The following RNF212B variants were observed in gnomAD, a reference collection of about 807,000 sequenced individuals.
The protein encoded by RNF212B is E3 ubiquitin-protein ligase RNF212B.
A neutral mutation model predicts 55.5 loss-of-function variants in RNF212B; 52 were observed. The ratio of observed to expected loss-of-function variants is 0.94; its 90% CI spans 0.75 to 1.18. The LOEUF (loss-of-function observed/expected upper bound fraction) is 1.18. Ranked by LOEUF, RNF212B falls within the 50% of genes most tolerant of loss-of-function variation. RNF212B has a pLI of 0.00. For synonymous variants in RNF212B, 99 were observed against 121.4 expected (o/e 0.82, Z 1.21); for missense variants, 289 against 350.4 (o/e 0.82, Z 1.40).
At chr14:23,209,047 C>T (rs932672612) in intron 2 of RNF212B, among the ~76,000 whole-genome samples, 13 of 152,166 alleles carry the variant, frequency 8.5e-5, no homozygotes, top group East Asian at 1.9e-4. Flanking sequence ...CGTGAGCCAC[C>T]GTGCCCGGCC....
intron 1 of RNF212B, chr14:23,188,244 C>T (rs1020769782): frequency 6.6e-6 from 1 of 152,176 alleles, no homozygotes; most frequent in African/African-American, 2.4e-5. Context: ...GGTGGGATTC[C>T]ATGGAGCCAG....
chr14:23,236,005 A>G (rs1178011823), upstream of RNF212B, among the ~76,000 whole-genome samples: 1 of 152,234 alleles, frequency 6.6e-6, no homozygotes, highest in Non-Finnish European at 1.5e-5. Context: ...CCATTTAAAT[A>G]CCATTCTCTT....
chr14:23,192,377 T>C lies in RNF212B; in HGVS notation c.-78-948T>C, dbSNP rs138247393. 3.2e-4 allele frequency among the ~76,000 whole-genome samples: 49 copies of C among 152,250 alleles called. 1 individual carries two copies. In the East Asian group the frequency reaches 8.1e-3, roughly 25 times the overall value. On this transcript the variant is annotated intron_variant, in intron 1 of 15. Coordinates refer to the RNF212B transcript ENST00000399910. ...AGCCATAAAAAAGGATGAGTTCATGTCCTTTGTAGGGACATAGATGAAGCT... is the reference window on the plus strand; with the variant it reads ...AGCCATAAAAAAGGATGAGTTCATGCCCTTTGTAGGGACATAGATGAAGCT...
rs1163214378 is a variant in RNF212B at position 23,187,854 on chromosome 14, G to T, written c.-79+2364G>T. 3.3e-5 allele frequency among the ~76,000 whole-genome samples: 5 copies of T among 152,042 alleles called. No homozygotes were observed. In the South Asian group the frequency reaches 8.3e-4, roughly 25 times the overall value. On this transcript the variant is annotated intron_variant, in intron 1 of 15. Transcript: ENST00000399910. ...GATCACTGCCTATGGTCGATTAGAT[G>T]GGGCCTTCCTGAGCCAGTAGTTTTA...
At chr14:23,220,557 G>T (rs868483883) in intron 2 of RNF212B, among the ~76,000 whole-genome samples, 3 of 149,626 alleles carry the variant, frequency 2.0e-5, no homozygotes, top group Admixed American at 6.7e-5. Flanking sequence ...CGGGCTCGGT[G>T]GCTCACGCCT....
At chr14:23,262,000 ACTCTCT>A (rs986439092) in intron 7 of RNF212B, among the ~76,000 whole-genome samples, 186 of 151,078 alleles carry the variant, frequency 1.2e-3, no homozygotes, top group African/African-American at 4.3e-3. Context: ...ACAAAACAAA[ACTCTCT>A]CTATATATAC....
intron 2 of RNF212B, among the ~76,000 whole-genome samples, chr14:23,194,748 A>AAC (rs1878483164): frequency 6.6e-6 from 1 of 151,032 alleles, no homozygotes; most frequent in Non-Finnish European, 1.5e-5. Flanking sequence ...AAAAAAAAAA[A>AAC]AAAAAAAAAC....
At chr14:23,223,453 T>A (rs574054857) in intron 2 of RNF212B, among the ~76,000 whole-genome samples, 5 of 152,092 alleles carry the variant, frequency 3.3e-5, no homozygotes, top group Non-Finnish European at 5.9e-5. Flanking sequence ...CCTCACGGGT[T>A]CACGCCATTC....
At chr14:23,220,362 T>C (rs1289651675) in intron 2 of RNF212B, among the ~76,000 whole-genome samples, 1 of 151,936 alleles carries the variant, frequency 6.6e-6, no homozygotes, top group African/African-American at 2.4e-5. Flanking sequence ...CAAAACCCCA[T>C]CTTTACTAAA....
chr14:23,189,728 G>A (rs908467435), intron 1 of RNF212B, among the ~76,000 whole-genome samples: 4 of 152,118 alleles, frequency 2.6e-5, no homozygotes, highest in Non-Finnish European at 5.9e-5. Flanking sequence ...AGGATTGCTT[G>A]AGCCACAGGG....
At chr14:23,258,693 CTTTTTTT>C in intron 5 of RNF212B, 29 bp downstream of exon 5, 11 of 590,396 alleles carry the variant, frequency 1.9e-5, no homozygotes, top group South Asian at 5.3e-5. Context: ...CCCAAGAGAG[CTTTTTTT>C]TTTTTTTTTT....
intron 4 of RNF212B, among the ~76,000 whole-genome samples, chr14:23,244,841 C>T (rs912974896): frequency 3.3e-5 from 5 of 152,172 alleles, no homozygotes; most frequent in African/African-American, 1.2e-4. Flanking sequence ...TTTTCAATAA[C>T]CTTTTTAGTA....
At chr14:23,213,078 C>T (rs1469439841) in intron 2 of RNF212B, among the ~76,000 whole-genome samples, 4 of 151,618 alleles carry the variant, frequency 2.6e-5, no homozygotes, top group South Asian at 4.2e-4. Flanking sequence ...TTTGGGAGGC[C>T]GAGGTGGGCA....
At chr14:23,193,752 A>C (rs1594856507) in intron 2 of RNF212B, among the ~76,000 whole-genome samples, 1 of 4,974 alleles carries the variant, frequency 2.0e-4, no homozygotes, top group Non-Finnish European at 5.2e-4. Flanking sequence ...AAGATTTAAC[A>C]AAAAAAAAAA....
chr14:23,229,758 TC>T (rs940067329), intron 2 of RNF212B, among the ~76,000 whole-genome samples: 48 of 152,334 alleles, frequency 3.2e-4, no homozygotes, highest in African/African-American at 1.1e-3. Context: ...GTTGAGTTGT[TC>T]TTTTTTTTGA....
At chr14:23,213,756 TAGAG>T (rs1427738556) in intron 2 of RNF212B, among the ~76,000 whole-genome samples, 2 of 151,116 alleles carry the variant, frequency 1.3e-5, no homozygotes, top group South Asian at 2.1e-4. Flanking sequence ...GGAAGAGAGG[TAGAG>T]AGAGAGAAAG....
intron 7 of RNF212B, 37 bp downstream of exon 7, chr14:23,260,724 T>G (rs1331493710): frequency 6.5e-7 from 1 of 1,538,254 alleles, no homozygotes; most frequent in Non-Finnish European, 8.8e-7. Flanking sequence ...CCCAGCCCCC[T>G]GAAAATTCCT....
chr14:23,250,768 G>A (rs928975530), intron 4 of RNF212B, among the ~76,000 whole-genome samples: 5 of 152,152 alleles, frequency 3.3e-5, no homozygotes, highest in African/African-American at 1.2e-4. Context: ...ATACATTTTA[G>A]GGAGACATGA....
At chr14:23,254,297 C>A (rs55869471) in intron 4 of RNF212B, among the ~76,000 whole-genome samples, 6,825 of 115,190 alleles carry the variant, frequency 0.059, 342 homozygotes, top group African/African-American at 0.088. Context: ...AAAAACAAAA[C>A]AAAACAAAAC....
Sources: gnomAD v4.1 joint callset for allele counts (sites outside exome capture counted in the v4.1 genomes callset) on GRCh38, gnomAD v4.1.1 for gene constraint, MANE v1.5 for transcripts, NCBI Gene and HGNC (gene_info 2026-07-23, HGNC 2026-07-21) for gene names.